Variants in FBRS observed in about 807,000 individuals in gnomAD.
FBRS encodes fibrosin, also known as probable fibrosin-1.
A neutral mutation model predicts 86.1 loss-of-function variants in FBRS; 15 were observed. The observed-to-expected ratio is 0.17, with a 90% CI of 0.12 to 0.27. The LOEUF is 0.27. FBRS is among the 10% of genes least tolerant of loss of function. The pLI is 1.00. For missense variants in FBRS, 1,367 were observed against 1,301.6 expected (o/e 1.05, Z -0.77); for synonymous variants, 666 against 575.8 (o/e 1.16, Z -2.24).
At position 30,668,991 on chromosome 16, in the gene FBRS, A is replaced by AACCCCCC; in HGVS notation, c.2366+12_2366+13insACCCCCC. 1.4e-6 allele frequency: 1 copy of AACCCCCC among 704,522 alleles called. No homozygotes were observed. The highest frequency in any genetic ancestry group is 1.9e-6 in the Non-Finnish European group (1 of 539,044). 43.6% of individuals were successfully genotyped at this position (704,522 alleles called of 1,614,324 possible). A position where few individuals can be genotyped will look rare whatever the true frequency, so the allele number is the denominator to read the frequency against. ...GAGGAGAAGGACAGGTGTGCCTCCCACCCACCCTGCCCCTGCCCCACCCTC... is the reference window on the plus strand; with the variant it reads ...GAGGAGAAGGACAGGTGTGCCTCCCAACCCCCCCCCACCCTGCCCCTGCCCCACCCTC... On this transcript the variant is annotated intron_variant, in intron 17 of 17. Transcript: ENST00000356166.
rs745367456 is a variant in FBRS at position 30,668,916 on chromosome 16, G to A, written c.2303G>A (p.Gly768Asp). 1 of 1,590,604 alleles carries A rather than the reference G, an allele frequency of 6.3e-7. No homozygotes were observed. Among genetic ancestry groups the A allele is most frequent in the Non-Finnish European group, 8.5e-7 (1 of 1,171,428 alleles). The change falls in exon 17 of 18, where the codon GGC (glycine) becomes GAC (aspartate). Residue 768 changes from glycine to aspartate, a missense_variant. Physicochemically the swap from Gly to Asp is moderately conservative, Grantham distance 94. Transcript: ENST00000356166. ...CCCCCTGAGGCCGCCCGGACTCCAG[G>A]CTCAGACAAGGAGCGGCCTGTGGAG... is the stretch of plus-strand genomic sequence containing the variant. ...VRPPEAARTP[G>D]SDKERPVERR...
chr16:30,660,490 C>A, intron 2 of FBRS, 48 bp downstream of exon 2: 1 of 1,255,882 alleles, frequency 8.0e-7, no homozygotes, highest in South Asian at 3.8e-5. Flanking sequence ...TTTCCCACAG[C>A]CCCGTTTTTC....
rs1567548556 is a variant in FBRS, at chr16:30,669,501, A to G, written c.2799A>G (p.Pro933=). The G allele has an allele frequency of 6.2e-7, 1 of 1,612,810 alleles. No homozygotes were observed. Among genetic ancestry groups the G allele is most frequent in the Non-Finnish European group, 8.5e-7 (1 of 1,179,714 alleles). Residue 933 remains proline (P), a synonymous_variant, in exon 18 of 18, where the codon CCA becomes CCG. Transcript: ENST00000356166. The surrounding 1 kb of genome is among the most constrained non-coding windows in gnomAD (Gnocchi z 5.9). ...TCTACAGCCGCTTGGCTCCTCCACC[A>G]CCACCTGCTGCGGCCCCGGGAACCC... The part of the protein sequence containing the change: ...PLLYSRLAPP[P]PPAAAPGTPH...
intron 15 of FBRS, 120 bp downstream of exon 15, chr16:30,667,742 T>G (rs1267604539): frequency 1.1e-6 from 1 of 874,098 alleles, no homozygotes; most frequent in Non-Finnish European, 1.7e-6. Flanking sequence ...CTTAGTGACC[T>G]TGGGCAGGTT....
At chr16:30,668,482 T>A (rs2052547560) in intron 15 of FBRS, 78 bp from the exon 16 acceptor site, 1 of 1,343,068 alleles carries the variant, frequency 7.4e-7, no homozygotes, top group African/African-American at 1.4e-5. Flanking sequence ...GCACCGGTCC[T>A]GCCTCTGCCC....
At chr16:30,664,118 G>A (rs1235401194) in intron 6 of FBRS, 97 bp from the exon 7 acceptor site, 5 of 1,267,100 alleles carry the variant, frequency 3.9e-6, no homozygotes, top group Non-Finnish European at 5.0e-6. Flanking sequence ...TCCCGTGTTG[G>A]AGAACCAGGG....
At chr16:30,660,930 T>G (rs1000762037) in intron 2 of FBRS, among the ~76,000 whole-genome samples, 2 of 152,180 alleles carry the variant, frequency 1.3e-5, no homozygotes, top group African/African-American at 4.8e-5. Flanking sequence ...TCCTGAAGTA[T>G]AGTCAGAAGT....
rs1321271314 is a variant in FBRS, at chr16:30,664,698, C to T, written c.1358-17C>T. Reference sequence around the variant, plus strand: ...TGTGGCGACAGCATTAAAGCCTTCTCCCGTCCCCTCCCACAGAGCAGGACC... The same window carrying T: ...TGTGGCGACAGCATTAAAGCCTTCTTCCGTCCCCTCCCACAGAGCAGGACC... On this transcript the variant is annotated splice_polypyrimidine_tract_variant and intron_variant, in intron 7 of 17. Coordinates refer to ENST00000356166, the MANE Select transcript of FBRS (RefSeq NM_001105079.3). The T allele has an allele frequency of 6.7e-7, 1 of 1,501,490 alleles. No individual in the cohort carries two copies. Among genetic ancestry groups the T allele is most frequent in the Non-Finnish European group, 8.9e-7 (1 of 1,120,378 alleles). 93.0% of individuals were successfully genotyped at this position (1,501,490 alleles called of 1,614,324 possible).
rs2052496574 is a variant in FBRS, at chr16:30,664,399, C to T, written c.1240C>T (p.Pro414Ser). Residue 414 changes from proline to serine, a missense_variant, in exon 7 of 18, where the codon CCC becomes TCC. Pro to Ser is a moderately conservative substitution (Grantham distance 74). Coordinates refer to ENST00000356166, the MANE Select transcript of FBRS (RefSeq NM_001105079.3). ...THSFPPPGLR[P>S]PPPPHHPSLF... ...CAGCTTTCCCCCTCCCGGGCTGCGG[C>T]CCCCCCCACCACCCCACCACCCCTC... 2 of 813,424 alleles carry T rather than the reference C, an allele frequency of 2.5e-6. No individual in the cohort carries two copies. Among genetic ancestry groups the T allele is most frequent in the Non-Finnish European group, 3.7e-6 (2 of 536,058 alleles). The allele number at this position is 813,424 out of a possible 1,614,324, so 50.4% of individuals were successfully genotyped here.
chr16:30,664,941 G>A, intron 8 of FBRS, 21 bp downstream of exon 8: 2 of 1,609,720 alleles, frequency 1.2e-6, no homozygotes, highest in South Asian at 1.1e-5. Context: ...CATTGGGCTG[G>A]CGATGAGGCT....
intron 6 of FBRS, 135 bp from the exon 7 acceptor site, chr16:30,664,080 G>A (rs2052491128): frequency 9.2e-7 from 1 of 1,087,678 alleles, no homozygotes; most frequent in Non-Finnish European, 1.2e-6. Flanking sequence ...CTCGGTGGGG[G>A]GCGGTCCTGG....
At chr16:30,661,431 T>C (rs2052460538) in intron 4 of FBRS, 98 bp downstream of exon 4, 2 of 1,544,498 alleles carry the variant, frequency 1.3e-6, no homozygotes, top group Admixed American at 3.9e-5. Flanking sequence ...TTCCCTTGAG[T>C]GAGAAACATG....
rs770417841 is a variant in FBRS, at chr16:30,669,688, C to A, written c.*43C>A. 101 of 1,539,092 alleles carry A rather than the reference C, an allele frequency of 6.6e-5. No individual in the cohort carries two copies. Among genetic ancestry groups the A allele is most frequent in the Non-Finnish European group, 8.7e-5 (100 of 1,151,402 alleles). On this transcript the variant is annotated 3_prime_UTR_variant, in exon 18 of 18. Transcript: ENST00000356166. This position sits in a 1 kb window ranked among gnomAD's most constrained non-coding sequence, Gnocchi z 5.9. ...CGGGGCAAAGCTCCATCTCCCCTTCCTTTAACCAGGTCCTAGGGCTGAGGT... is the reference window on the plus strand; with the variant it reads ...CGGGGCAAAGCTCCATCTCCCCTTCATTTAACCAGGTCCTAGGGCTGAGGT...
chr16:30,668,532 CT>C, intron 15 of FBRS, 27 bp from the exon 16 acceptor site: 3 of 1,600,100 alleles, frequency 1.9e-6, no homozygotes, highest in Non-Finnish European at 2.6e-6. Flanking sequence ...CTGCCCAGTG[CT>C]CTGACCACCC....
intron 6 of FBRS, among the ~76,000 whole-genome samples, 196 bp from the exon 7 acceptor site, chr16:30,664,019 G>A (rs1301919783): frequency 6.6e-6 from 1 of 152,180 alleles, no homozygotes; most frequent in Non-Finnish European, 1.5e-5. Flanking sequence ...TAGACAGGGA[G>A]AAATAGGGGT....
chr16:30,664,988 G>T, intron 8 of FBRS, 47 bp from the exon 9 acceptor site: 2 of 1,609,574 alleles, frequency 1.2e-6, no homozygotes, highest in Non-Finnish European at 1.7e-6. Flanking sequence ...TCTGGGGGAA[G>T]GCCCGGGTCC....
rs1454930654 is a variant in FBRS at position 30,669,839 on chromosome 16, G to A, written c.*194G>A. 4 of 723,312 alleles carry A rather than the reference G, an allele frequency of 5.5e-6. No homozygotes were observed. The African/African-American group carries it at 7.1e-5, about 13-fold the overall frequency. The allele number at this position is 723,312 out of a possible 1,614,324, so 44.8% of individuals were successfully genotyped here. A position where few individuals can be genotyped will look rare whatever the true frequency, so the allele number is the denominator to read the frequency against. On this transcript the variant is annotated 3_prime_UTR_variant, in exon 18 of 18. Transcript: ENST00000356166. This position sits in a 1 kb window ranked among gnomAD's most constrained non-coding sequence, Gnocchi z 5.9. ...CACATGGAGTGTAGGGTCACTGGGA[G>A]AGCAGAGGTCACAGCCTCTAGAGAA...
chr16:30,660,513 A>ACTGCCC (rs2052446290), intron 2 of FBRS, 71 bp downstream of exon 2: 1 of 1,257,048 alleles, frequency 8.0e-7, no homozygotes, highest in African/African-American at 1.5e-5. Context: ...CAGCAACGCC[A>ACTGCCC]CTGCCCCTTG....
intron 1 of FBRS, 65 bp downstream of exon 1, chr16:30,660,042 C>G: frequency 6.6e-7 from 1 of 1,515,844 alleles, no homozygotes; most frequent in Admixed American, 2.2e-5. Context: ...GGGGCAGTGC[C>G]CCTAGTGGGT....
Sources: allele counts gnomAD v4.1 joint callset (sites outside exome capture counted in the v4.1 genomes callset), GRCh38; gene constraint gnomAD v4.1.1; non-coding constraint Gnocchi (gnomAD v3.1); transcripts MANE v1.5; gene names NCBI Gene and HGNC (gene_info 2026-07-23, HGNC 2026-07-21).